Variants in TTN observed in about 807,000 individuals in gnomAD.
TTN encodes the protein titin, also known as connectin.
A neutral mutation model predicts 3,223.0 loss-of-function variants in TTN; 1,525 were observed. The ratio of observed to expected loss-of-function variants is 0.47; its 90% CI spans 0.45 to 0.49. The LOEUF is 0.49. Among genes scored for constraint, TTN ranks in the 20% least tolerant of loss-of-function variants. TTN has a pLI of 0.00. For missense variants in TTN, 40,786 were observed against 43,424.0 expected (o/e 0.94, Z 5.40); for synonymous variants, 14,094 against 15,161.0 (o/e 0.93, Z 5.17).
intron 250 of TTN, 158 bp downstream of exon 250, chr2:178,619,463 C>T (rs1371998756): frequency 1.2e-6 from 1 of 816,126 alleles, no homozygotes; most frequent in African/African-American, 1.7e-5. Flanking sequence ...TTACTCAAGA[C>T]ACTTACTTTG....
chr2:178,605,399 A>T lies in TTN; in HGVS notation c.53881+15T>A, dbSNP rs1473876344. The T allele has an allele frequency of 1.3e-6, 2 of 1,562,476 alleles. No individual in the cohort carries two copies. The highest frequency in any genetic ancestry group is 1.7e-6 in the Non-Finnish European group (2 of 1,156,320). ...TAAAATGCATTAAAATTATTATTAT[A>T]TTCAGATTCCGCACCTTCATCATCT... On this transcript the variant is annotated intron_variant, in intron 279 of 362. Coordinates refer to ENST00000589042, the MANE Select transcript of TTN (RefSeq NM_001267550.2).
chr2:178,613,140 C>T (rs746856923), intron 264 of TTN, 21 bp downstream of exon 264: 1 of 1,606,874 alleles, frequency 6.2e-7, no homozygotes, highest in Non-Finnish European at 8.5e-7. Context: ...GAAATAACCA[C>T]AAAAATTATA....
At position 178,589,540 on chromosome 2, in the gene TTN, T is replaced by C; in HGVS notation, c.62185A>G (p.Met20729Val). The change falls in exon 304 of 363, where the codon ATG (methionine) becomes GTG (valine). Residue 20729 changes from methionine (M) to valine (V), a missense_variant. Coordinates refer to ENST00000589042, the MANE Select transcript of TTN (RefSeq NM_001267550.2). The part of the protein sequence containing the change: ...HKGSIKETHY[M>V]VDRCVENQIY... ...TGGTTTTCAACACATCTGTCAACCA[T>C]GTAGTGAGTTTCTTTAATGCTTCCT... 1 of 1,613,330 alleles carries C rather than the reference T, an allele frequency of 6.2e-7. No individual in the cohort carries two copies. Among genetic ancestry groups the C allele is most frequent in the Non-Finnish European group, 8.5e-7 (1 of 1,179,606 alleles).
rs776653576 is a variant in TTN, at chr2:178,598,944, T to C, written c.56766A>G (p.Glu18922=). 6.2e-6 allele frequency: 10 copies of C among 1,612,868 alleles called. No homozygotes were observed. The East Asian group carries it at 2.2e-4, about 36-fold the overall frequency. Residue 18922 remains glutamate (E), a synonymous_variant, in exon 291 of 363, where the codon GAA becomes GAG. Transcript: ENST00000589042. ...GGSPVTGYWL[E]MKDTTSKRWK... ...ATCTCTTTGAAGTGGTGTCTTTCAT[T>C]TCCAGCCAGTACCCTGTCACAGGAG...
chr2:178,540,003 G>C, intron 351 of TTN, 37 bp from the exon 352 acceptor site: 1 of 1,605,112 alleles, frequency 6.2e-7, no homozygotes, highest in Non-Finnish European at 8.5e-7. Flanking sequence ...TAGCATTTGG[G>C]GTAGGGGGAC....
chr2:178,674,252 C>T, intron 151 of TTN, 62 bp downstream of exon 151: 3 of 932,644 alleles, frequency 3.2e-6, no homozygotes, highest in Non-Finnish European at 5.1e-6. Context: ...TTAGATTTAG[C>T]TACTGAGAAA....
chr2:178,574,489 T>G lies in TTN; in HGVS notation c.71643A>C (p.Val23881=). The part of the protein sequence containing the change: ...ILWQTVSKAL[V]PGNIFKSSGL... ...CACTTGATTTGAAAATGTTGCCTGG[T>G]ACTAAAGCTTTGCTCACAGTCTGCC... The change falls in exon 326 of 363, where the codon GTA becomes GTC. Residue 23881 remains valine, a synonymous_variant. Transcript: ENST00000589042. 1.9e-6 allele frequency: 3 copies of G among 1,613,706 alleles called. No homozygotes were observed. The highest frequency in any genetic ancestry group is 2.5e-6 in the Non-Finnish European group (3 of 1,179,640).
Position 178,577,121 on chromosome 2 carries a change from T to C in TTN, c.69214A>G (p.Ile23072Val), listed in dbSNP as rs2046609808. 2 of 1,613,176 alleles carry C rather than the reference T, an allele frequency of 1.2e-6. No homozygotes were observed. The highest frequency in any genetic ancestry group is 1.7e-5 in the Admixed American group (1 of 59,950). Residue 23072 changes from isoleucine (I) to valine (V), a missense_variant, in exon 324 of 363, where the codon ATT becomes GTT. By Grantham distance (29) the Ile-to-Val change is conservative. Coordinates refer to ENST00000589042, the MANE Select transcript of TTN (RefSeq NM_001267550.2). ...TPPLEDGGSP[I>V]KSYILEKRET... is the part of the protein sequence containing the mutation. ...CTCTTTTCAAGTATATAGGACTTAA[T>C]TGGTGAGCCGCCATCTTCCAAGGGA...
chr2:178,564,033 G>A lies in TTN; in HGVS notation c.82099C>T (p.Leu27367Phe), dbSNP rs1341276914. The change falls in exon 326 of 363, where the codon CTT (leucine) becomes TTT (phenylalanine). Residue 27367 changes from leucine to phenylalanine, a missense_variant. Transcript: ENST00000589042. ...CCTTCAGGAGGCCCTGGCCTGTCAA[G>A]TACCTTTACAGTGATGGGTATAGAC... ...TKSIPITVKV[L>F]DRPGPPEGPL... 1.2e-6 allele frequency: 2 copies of A among 1,613,600 alleles called. No homozygotes were observed. Among genetic ancestry groups the A allele is most frequent in the Non-Finnish European group, 1.7e-6 (2 of 1,179,728 alleles).
At position 178,745,282 on chromosome 2, in the gene TTN, T is replaced by G. The variant is rs72648917; in HGVS notation, c.11312-3361A>C. 0.048 allele frequency: 58,572 copies of G among 1,207,722 alleles called. 2,036 individuals are homozygous for G. The highest frequency in any genetic ancestry group is 0.2 in the East Asian group (4,498 of 22,816). 74.8% of individuals were successfully genotyped at this position (1,207,722 alleles called of 1,614,324 possible). ...GAGTCCATTCCACTGAAACACTTTGTGGAGGAGGCATGAGGGTAAATAGAA... is the reference window on the plus strand; with the variant it reads ...GAGTCCATTCCACTGAAACACTTTGGGGAGGAGGCATGAGGGTAAATAGAA... On this transcript the variant is annotated intron_variant, in intron 47 of 362. Coordinates refer to ENST00000589042, the MANE Select transcript of TTN (RefSeq NM_001267550.2).
intron 45 of TTN, among the ~76,000 whole-genome samples, 185 bp from the exon 46 acceptor site, chr2:178,756,982 G>C (rs764773253): frequency 3.7e-4 from 57 of 152,080 alleles, no homozygotes; most frequent in Non-Finnish European, 4.6e-4. Context: ...TTCATTCCTG[G>C]TGATTCAGTG....
Position 178,747,593 on chromosome 2 carries a change from G to A in TTN, c.11311+5531C>T, listed in dbSNP as rs369192149. The A allele has an allele frequency of 2.5e-6, 4 of 1,613,136 alleles. No individual in the cohort carries two copies. The African/African-American group carries it at 4.0e-5, about 16-fold the overall frequency. Reference sequence around the variant, plus strand: ...AGTTACTTCTTCCACCTCCATTGAAGTGATTGATTCACTCTGGACAAGCTT... The same window carrying A: ...AGTTACTTCTTCCACCTCCATTGAAATGATTGATTCACTCTGGACAAGCTT... On this transcript the variant is annotated intron_variant, in intron 47 of 362. Transcript: ENST00000589042.
intron 67 of TTN, 41 bp downstream of exon 67, chr2:178,728,069 A>G (rs1450043064): frequency 6.6e-7 from 1 of 1,510,078 alleles, no homozygotes; most frequent in Non-Finnish European, 8.8e-7. Context: ...TTTAAGAAGC[A>G]TTCGCAAGGA....
Position 178,728,916 on chromosome 2 carries a change from C to T in TTN, c.19122G>A (p.Arg6374=), listed in dbSNP as rs2079868001. 2 of 1,608,160 alleles carry T rather than the reference C, an allele frequency of 1.2e-6. No individual in the cohort carries two copies. The highest frequency in any genetic ancestry group is 2.2e-5 in the South Asian group (2 of 90,084). The change falls in exon 65 of 363, where the codon AGG becomes AGA. Residue 6374 remains arginine (R), a synonymous_variant. Coordinates refer to ENST00000589042, the MANE Select transcript of TTN (RefSeq NM_001267550.2). ...CQAKNESGVE[R]CYAFLLVQEP... is the part of the protein sequence containing the mutation. ...CTTGTACTAAAAGGAAAGCATAACA[C>T]CTCTCAACTCCTGACTCATTCTTGG... is the stretch of plus-strand genomic sequence containing the variant.
intron 48 of TTN, 61 bp downstream of exon 48, chr2:178,739,080 G>A (rs770963523): frequency 8.9e-6 from 13 of 1,461,718 alleles, no homozygotes; most frequent in South Asian, 3.2e-5. Context: ...AGTGATGCAA[G>A]CTAAATCATT....
intron 167 of TTN, 29 bp from the exon 168 acceptor site, chr2:178,664,566 A>G: frequency 6.2e-7 from 1 of 1,604,622 alleles, no homozygotes; most frequent in Non-Finnish European, 8.5e-7. Context: ...TTTTACATTT[A>G]GAAGTTACAA....
rs2050451643 is a variant in TTN, at chr2:178,592,558, G to A, written c.59447C>T (p.Pro19816Leu). Reference sequence around the variant, plus strand: ...GTCTTCTTTTTTCCAAGTTACTTTTGGGAATGGCACTCCTTTGATGATGGC... The same window carrying A: ...GTCTTCTTTTTTCCAAGTTACTTTTAGGAATGGCACTCCTTTGATGATGGC... ...LSAIIKGVPF[P>L]KVTWKKEDRD... Residue 19816 changes from proline (P) to leucine (L), a missense_variant, in exon 301 of 363, where the codon CCA (proline) becomes CTA (leucine). By Grantham distance (98) the Pro-to-Leu change is moderately conservative. Coordinates refer to ENST00000589042, the MANE Select transcript of TTN (RefSeq NM_001267550.2). 6.2e-7 allele frequency: 1 copy of A among 1,613,366 alleles called. No individual in the cohort carries two copies. The highest frequency in any genetic ancestry group is 8.5e-7 in the Non-Finnish European group (1 of 1,179,570).
In TTN at chr2:178,580,316, A is replaced by G. The variant is rs760414484; in HGVS notation, c.67057+6T>C. The G allele has an allele frequency of 2.3e-5, 37 of 1,610,558 alleles. No individual in the cohort carries two copies. The South Asian group carries it at 4.0e-4, about 17-fold the overall frequency. On this transcript the variant is annotated splice_donor_region_variant and intron_variant, in intron 317 of 362. Transcript: ENST00000589042. ...TATATATGATTCTTTTTTGAAATAG[A>G]CTTACCAAGCACTTTCACAACAATG... is the stretch of plus-strand genomic sequence containing the variant.
chr2:178,768,250 T>C, intron 38 of TTN, 95 bp from the exon 39 acceptor site: 1 of 1,387,690 alleles, frequency 7.2e-7, no homozygotes, highest in Non-Finnish European at 1.0e-6. Flanking sequence ...AGTATACAAT[T>C]CAATGAATTT....
Sources: gnomAD v4.1 joint callset for allele counts (sites outside exome capture counted in the v4.1 genomes callset) on GRCh38, gnomAD v4.1.1 for gene constraint, MANE v1.5 for transcripts, NCBI Gene and HGNC (gene_info 2026-07-23, HGNC 2026-07-21) for gene names.